Variants in IFNGR2 observed in about 807,000 individuals in gnomAD.
The protein encoded by IFNGR2 is IFN-gamma receptor 2.
Under a neutral mutation model 41.1 loss-of-function variants are expected in IFNGR2, and 15 were observed. The observed-to-expected ratio is 0.37, with a 90% CI of 0.24 to 0.56. The LOEUF (loss-of-function observed/expected upper bound fraction) is 0.56. IFNGR2 is among the 20% of genes least tolerant of loss of function. IFNGR2 has a pLI of 0.81. For synonymous variants in IFNGR2, 161 were observed against 171.6 expected, an observed-to-expected ratio of 0.94 and a Z score of 0.48; for missense variants, 362 against 415.7, an observed-to-expected ratio of 0.87 and a Z score of 1.12.
Position 33,432,889 on chromosome 21 carries a change from T to C in IFNGR2, c.879+18T>C. The C allele has an allele frequency of 2.9e-6, 4 of 1,381,290 alleles. No homozygotes were observed. The highest frequency in any genetic ancestry group is 3.0e-6 in the Non-Finnish European group (3 of 1,005,078). 85.6% of individuals were successfully genotyped at this position (1,381,290 alleles called of 1,614,324 possible). Reference sequence around the variant, plus strand: ...TAGAAGAGGTACGTGTGCACACATCTCTTTTTTTTTTTTTGAGACAGGGTC... The same window carrying C: ...TAGAAGAGGTACGTGTGCACACATCCCTTTTTTTTTTTTTGAGACAGGGTC... On this transcript the variant is annotated intron_variant, in intron 6 of 6. Coordinates refer to ENST00000290219, the MANE Select transcript of IFNGR2 (RefSeq NM_005534.4).
At position 33,421,710 on chromosome 21, in the gene IFNGR2, TCC is replaced by T. The variant is rs748772503; in HGVS notation, c.412+26_412+27del. On this transcript the variant is annotated intron_variant, in intron 3 of 6. Coordinates refer to ENST00000290219, the MANE Select transcript of IFNGR2 (RefSeq NM_005534.4). ...GGTAAGAGAACTTGAGTATAGAACT[TCC>T]TTTATACTTTCCAGGTTTTCTTCAC... 4.5e-6 allele frequency: 7 copies of T among 1,556,172 alleles called. No individual in the cohort carries two copies. The Admixed American group carries it at 1.2e-4, about 26-fold the overall frequency.
intron 3 of IFNGR2, among the ~76,000 whole-genome samples, chr21:33,423,513 T>A (rs2123352654): frequency 1.3e-5 from 2 of 151,272 alleles, no homozygotes; most frequent in African/African-American, 4.8e-5. Context: ...CCTCCCGGGT[T>A]CAAGTGAGCC....
chr21:33,419,615 T>G (rs1487852748), intron 2 of IFNGR2, among the ~76,000 whole-genome samples: 2 of 152,270 alleles, frequency 1.3e-5, no homozygotes, highest in Middle Eastern at 3.4e-3. Flanking sequence ...ATGTGACATA[T>G]CACATGTGTT....
At chr21:33,423,828 AT>A (rs35451913) in intron 3 of IFNGR2, among the ~76,000 whole-genome samples, 36 of 142,970 alleles carry the variant, frequency 2.5e-4, no homozygotes, top group Non-Finnish European at 3.5e-4. Context: ...CCCCATCTCT[AT>A]TTTTTTTTTT....
At chr21:33,415,957 G>T (rs1275944219) in intron 2 of IFNGR2, among the ~76,000 whole-genome samples, 4 of 152,290 alleles carry the variant, frequency 2.6e-5, no homozygotes, top group African/African-American at 9.6e-5. Context: ...CACCTCCTGG[G>T]TTCAAGTGAT....
Position 33,403,519 on chromosome 21 carries a change from G to C in IFNGR2, c.-25G>C. On this transcript the variant is annotated 5_prime_UTR_variant, in exon 1 of 7. Coordinates refer to ENST00000290219, the MANE Select transcript of IFNGR2 (RefSeq NM_005534.4). ...CCGAGCGGGGCCCCGGCCGCGACCT[G>C]AGCCGCCGCCGAGCGCCCGGGGCCA... 8.0e-7 allele frequency: 1 copy of C among 1,243,454 alleles called. No individual in the cohort carries two copies. The highest frequency in any genetic ancestry group is 2.3e-5 in the South Asian group (1 of 43,178). 77.0% of individuals were successfully genotyped at this position (1,243,454 alleles called of 1,614,324 possible).
At chr21:33,430,349 G>A (rs191662248) in intron 4 of IFNGR2, among the ~76,000 whole-genome samples, 5 of 152,284 alleles carry the variant, frequency 3.3e-5, no homozygotes, top group Admixed American at 1.3e-4. Context: ...CTCTGCCCTG[G>A]CAGTCCAACA....
At chr21:33,423,036 CT>C (rs1158807047) in intron 3 of IFNGR2, among the ~76,000 whole-genome samples, 99 of 117,368 alleles carry the variant, frequency 8.4e-4, no homozygotes, top group East Asian at 7.7e-3. Context: ...CTTCCCTCTA[CT>C]TTTTTTTTTT....
rs181761713 is a variant in IFNGR2, at chr21:33,436,156, G to C, written c.880-672G>C. Among the ~76,000 whole-genome samples the C allele has an allele frequency of 5.0e-4, 53 of 106,928 alleles. No individual in the cohort carries two copies. In the East Asian group the frequency reaches 0.014, roughly 29 times the overall value. The allele number at this position is 106,928 out of a possible 152,430, so 70.1% of individuals were successfully genotyped here. On this transcript the variant is annotated intron_variant, in intron 6 of 6. Transcript: ENST00000290219. ...GCGGATCACCTGAGGTCAGGAGTTC[G>C]AGACAGCCTGACCAACATGGGAAAC... is the stretch of plus-strand genomic sequence containing the variant.
At chr21:33,411,750 T>G (rs1238455320) in intron 1 of IFNGR2, among the ~76,000 whole-genome samples, 2 of 151,906 alleles carry the variant, frequency 1.3e-5, no homozygotes, top group Non-Finnish European at 2.9e-5. Flanking sequence ...AGAATGGGAG[T>G]GGCCTCTAGA....
At chr21:33,427,093 A>G in intron 4 of IFNGR2, 61 bp downstream of exon 4, 1 of 1,471,808 alleles carries the variant, frequency 6.8e-7, no homozygotes, top group Non-Finnish European at 9.5e-7. Flanking sequence ...GGCTTAGCAA[A>G]AGAAAGAAAC....
intron 3 of IFNGR2, among the ~76,000 whole-genome samples, chr21:33,423,500 C>T (rs955821242): frequency 2.0e-5 from 3 of 151,762 alleles, no homozygotes; most frequent in Admixed American, 6.6e-5. Context: ...TCAAGTGATT[C>T]TCCCTCCCGG....
intron 6 of IFNGR2, 102 bp from the exon 7 acceptor site, chr21:33,436,726 A>T (rs1454417116): frequency 1.5e-5 from 15 of 971,516 alleles, no homozygotes; most frequent in Non-Finnish European, 2.3e-5. Context: ...TCTCAAAAAA[A>T]AAATAAAAAT....
intron 2 of IFNGR2, among the ~76,000 whole-genome samples, chr21:33,416,925 C>CTTTTTTT (rs554788768): frequency 8.6e-5 from 11 of 128,246 alleles, no homozygotes; most frequent in South Asian, 2.6e-4. Context: ...TTTTCTTTTT[C>CTTTTTTT]TTTTTTTTTT....
rs147894635 is a variant in IFNGR2, at chr21:33,432,231, A to G, written c.616A>G (p.Arg206Gly). The change falls in exon 5 of 7, where the codon AGA (arginine) becomes GGA (glycine). Residue 206 changes from arginine (R) to glycine (G), a missense_variant. Coordinates refer to ENST00000290219, the MANE Select transcript of IFNGR2 (RefSeq NM_005534.4). ...TTCATTGGATAACTTAAAACCCTCC[A>G]GAGTGTACTGTTTACAAGTCCAGGC... ...SISLDNLKPS[R>G]VYCLQVQAQL... is the part of the protein sequence containing the mutation. The G allele has an allele frequency of 1.4e-4, 222 of 1,613,958 alleles. No homozygotes were observed. The highest frequency in any genetic ancestry group is 1.7e-4 in the Non-Finnish European group (195 of 1,179,892).
chr21:33,435,233 C>T lies in IFNGR2; in HGVS notation c.880-1595C>T, dbSNP rs17882515. ...TTTATATGTTAAGGCCTAAGGCCCT[C>T]GCTCCCAGATTCTCTGCTTGCTGTG... On this transcript the variant is annotated intron_variant, in intron 6 of 6. Coordinates refer to ENST00000290219, the MANE Select transcript of IFNGR2 (RefSeq NM_005534.4). Among the ~76,000 whole-genome samples, 655 of 152,296 alleles carry T rather than the reference C, an allele frequency of 4.3e-3. 6 individuals carry two copies. Among genetic ancestry groups the T allele is most frequent in the African/African-American group, 0.015 (620 of 41,576 alleles).
intron 1 of IFNGR2, among the ~76,000 whole-genome samples, chr21:33,413,826 C>CATT: frequency 1.6e-5 from 1 of 61,738 alleles, no homozygotes; most frequent in Non-Finnish European, 2.8e-5. Context: ...GCCCCCTAAC[C>CATT]TTTTTTTTTT....
At chr21:33,419,854 T>C (rs1347650677) in intron 2 of IFNGR2, among the ~76,000 whole-genome samples, 1 of 152,128 alleles carries the variant, frequency 6.6e-6, no homozygotes, top group Non-Finnish European at 1.5e-5. Flanking sequence ...TGGCAGGGGT[T>C]TGGGGGAGCA....
At chr21:33,412,194 A>G (rs904911903) in intron 1 of IFNGR2, among the ~76,000 whole-genome samples, 2 of 152,146 alleles carry the variant, frequency 1.3e-5, no homozygotes, top group African/African-American at 4.8e-5. Context: ...TGAATGCCCA[A>G]CCCTAAGCAG....
Sources: gnomAD v4.1 joint callset for allele counts (sites outside exome capture counted in the v4.1 genomes callset) on GRCh38, gnomAD v4.1.1 for gene constraint, MANE v1.5 for transcripts, NCBI Gene and HGNC (gene_info 2026-07-23, HGNC 2026-07-21) for gene names.